Variants in CACNA2D3 observed in about 807,000 individuals in gnomAD.
CACNA2D3 encodes the protein voltage-dependent calcium channel subunit alpha-2/delta-3.
A neutral mutation model predicts 160.6 loss-of-function variants in CACNA2D3; 60 were observed. The observed-to-expected ratio is 0.37, with a 90% CI of 0.30 to 0.46. CACNA2D3 has a LOEUF of 0.46. CACNA2D3 is among the 20% of genes least tolerant of loss of function. The pLI is 1.00. For synonymous variants in CACNA2D3, 558 were observed against 492.9 expected, an observed-to-expected ratio of 1.13 and a Z score of -1.75; for missense variants, 1,205 against 1,365.0, an observed-to-expected ratio of 0.88 and a Z score of 1.85.
At chr3:54,620,587 C>T (rs1575386608) in intron 9 of CACNA2D3, among the ~76,000 whole-genome samples, 1 of 152,188 alleles carries the variant, frequency 6.6e-6, no homozygotes, top group South Asian at 2.1e-4. Flanking sequence ...TTAAACCAAA[C>T]ACTGAGTCCT....
chr3:54,922,320 CT>C (rs199955110), intron 27 of CACNA2D3, among the ~76,000 whole-genome samples: 8,476 of 136,718 alleles, frequency 0.062, 515 homozygotes, highest in African/African-American at 0.16. Flanking sequence ...GTCCTGGGAA[CT>C]TTTTTTTTTT....
Position 54,550,227 on chromosome 3 carries a change from C to T in CACNA2D3, c.545-12573C>T, listed in dbSNP as rs146738357. ...ACGCCAAGGGTTAAGTGGCCCTGAG[C>T]CCACCCCATCCTGCATCGCCCGTCC... is the stretch of plus-strand genomic sequence containing the variant. On this transcript the variant is annotated intron_variant, in intron 5 of 37. Coordinates refer to ENST00000474759, the MANE Select transcript of CACNA2D3 (RefSeq NM_018398.3). 2.3e-3 allele frequency among the ~76,000 whole-genome samples: 351 copies of T among 152,288 alleles called. 1 individual carries two copies. The highest frequency in any genetic ancestry group is 4.4e-3 in the Non-Finnish European group (302 of 68,020).
rs201809419 is a variant in CACNA2D3, at chr3:54,385,968, G to A, written c.322-747G>A. 7.3e-4 allele frequency: 369 copies of A among 506,360 alleles called. 6 individuals carry two copies. Among genetic ancestry groups the A allele is most frequent in the South Asian group, 5.2e-4 (36 of 68,868 alleles). 31.4% of individuals were successfully genotyped at this position (506,360 alleles called of 1,614,324 possible). A position where few individuals can be genotyped will look rare whatever the true frequency, so the allele number is the denominator to read the frequency against. ...CCTCTAGCCTATATTTTCAAGGTGG[G>A]AAATATCTTATTGTAGGCAAAATCA... On this transcript the variant is annotated intron_variant, in intron 3 of 37. Transcript: ENST00000474759.
At chr3:54,124,666 A>T (rs1191834065) in intron 2 of CACNA2D3, among the ~76,000 whole-genome samples, 1 of 152,200 alleles carries the variant, frequency 6.6e-6, no homozygotes, top group Non-Finnish European at 1.5e-5. Flanking sequence ...TATATGAAAC[A>T]GTTTGCCACA....
intron 2 of CACNA2D3, among the ~76,000 whole-genome samples, chr3:54,283,161 ATGT>A (rs1702921246): frequency 6.6e-6 from 1 of 152,216 alleles, no homozygotes; most frequent in Admixed American, 6.5e-5. Context: ...GTGAGAAGTA[ATGT>A]TGTCCAAAGA....
chr3:54,839,929 A>C (rs1276401530), intron 16 of CACNA2D3, among the ~76,000 whole-genome samples: 1 of 152,194 alleles, frequency 6.6e-6, no homozygotes, highest in Non-Finnish European at 1.5e-5. Flanking sequence ...CCACATAATA[A>C]ATATTGGAAA....
chr3:54,251,903 G>A (rs1395385958), intron 2 of CACNA2D3, among the ~76,000 whole-genome samples: 1 of 152,156 alleles, frequency 6.6e-6, no homozygotes, highest in Admixed American at 6.5e-5. Flanking sequence ...GACCTGCTGG[G>A]TTATAGCGAG....
At chr3:54,189,759 A>G (rs903580799) in intron 2 of CACNA2D3, among the ~76,000 whole-genome samples, 1 of 152,230 alleles carries the variant, frequency 6.6e-6, no homozygotes, top group Non-Finnish European at 1.5e-5. Flanking sequence ...CTCAGCAGTC[A>G]GATCCCACAC....
At chr3:54,368,467 G>T (rs1212194443) in intron 3 of CACNA2D3, among the ~76,000 whole-genome samples, 4 of 152,078 alleles carry the variant, frequency 2.6e-5, no homozygotes, top group Admixed American at 2.6e-4. Flanking sequence ...GAAGGGGAGA[G>T]GGGCAGAGAG....
intron 14 of CACNA2D3, among the ~76,000 whole-genome samples, chr3:54,821,222 C>T (rs1294667710): frequency 6.6e-6 from 1 of 152,206 alleles, no homozygotes; most frequent in Non-Finnish European, 1.5e-5. Flanking sequence ...GCATTTTTCA[C>T]AAAACCATAG....
At chr3:54,688,338 G>A (rs1700508257) in intron 11 of CACNA2D3, among the ~76,000 whole-genome samples, 1 of 151,430 alleles carries the variant, frequency 6.6e-6, no homozygotes, top group African/African-American at 2.4e-5. Context: ...TTTTTTCCTT[G>A]TCTCCATACT....
At chr3:54,303,063 G>A (rs1482315694) in intron 2 of CACNA2D3, among the ~76,000 whole-genome samples, 1 of 152,030 alleles carries the variant, frequency 6.6e-6, no homozygotes, top group Admixed American at 6.6e-5. Context: ...AGAGGCCTTT[G>A]CTCTCCATCT....
intron 3 of CACNA2D3, among the ~76,000 whole-genome samples, chr3:54,328,439 G>A (rs1455464510): frequency 5.3e-5 from 8 of 151,992 alleles, no homozygotes; most frequent in South Asian, 2.1e-4. Context: ...CCGCCACCAC[G>A]CCTGGCTAAT....
chr3:54,755,552 C>G (rs1273897167), intron 12 of CACNA2D3, among the ~76,000 whole-genome samples: 2 of 152,120 alleles, frequency 1.3e-5, no homozygotes, highest in Non-Finnish European at 2.9e-5. Context: ...CGTTCATTGT[C>G]TGGCTTGCTT....
chr3:54,477,236 A>G (rs1020814562), intron 4 of CACNA2D3, among the ~76,000 whole-genome samples: 1 of 152,002 alleles, frequency 6.6e-6, no homozygotes, highest in South Asian at 2.1e-4. Flanking sequence ...AGAGGAAAGA[A>G]CTATCCTTTT....
chr3:54,816,463 A>G (rs541752490), intron 13 of CACNA2D3, among the ~76,000 whole-genome samples: 110 of 152,178 alleles, frequency 7.2e-4, no homozygotes, highest in African/African-American at 2.6e-3. Context: ...GACAACCCCA[A>G]ATGTCTCCAG....
intron 2 of CACNA2D3, among the ~76,000 whole-genome samples, chr3:54,247,865 GCCTAGTA>G (rs1488926409): frequency 5.2e-3 from 12 of 2,290 alleles, no homozygotes; most frequent in Non-Finnish European, 0.013. Flanking sequence ...TATCTGCCAT[GCCTAGTA>G]CCATGCCTAG....
chr3:54,480,944 T>C (rs147705649), intron 4 of CACNA2D3, among the ~76,000 whole-genome samples: 44 of 152,320 alleles, frequency 2.9e-4, no homozygotes, highest in Admixed American at 3.9e-4. Context: ...GCCTTCTCAC[T>C]CATAGGCCTG....
intron 30 of CACNA2D3, among the ~76,000 whole-genome samples, chr3:54,985,203 A>G (rs1211832753): frequency 6.6e-6 from 1 of 152,192 alleles, no homozygotes; most frequent in East Asian, 1.9e-4. Context: ...CAGAGATAGA[A>G]GAGGAATATT....
Sources: gnomAD v4.1 joint callset for allele counts (sites outside exome capture counted in the v4.1 genomes callset) on GRCh38, gnomAD v4.1.1 for gene constraint, MANE v1.5 for transcripts, NCBI Gene and HGNC (gene_info 2026-07-23, HGNC 2026-07-21) for gene names.